The following PRKCA variants were observed in gnomAD, a reference collection of about 807,000 sequenced individuals.
PRKCA encodes protein kinase C alpha.
In PRKCA, 27 loss-of-function variants were observed where a neutral mutation model predicts 87.0. The ratio of observed to expected loss-of-function variants is 0.31; its 90% CI spans 0.23 to 0.43. The LOEUF is 0.43. PRKCA is among the 20% of genes least tolerant of loss of function. The probability of loss-of-function intolerance (pLI) is 1.00; values close to 1 mark genes in which losing one functional copy is unlikely to be tolerated. For synonymous variants in PRKCA, 329 were observed against 311.1 expected, an observed-to-expected ratio of 1.06 and a Z score of -0.61; for missense variants, 518 against 852.3, an observed-to-expected ratio of 0.61 and a Z score of 4.88.
chr17:66,540,414 G>A lies in PRKCA; in HGVS notation c.288+44131G>A, dbSNP rs563230495. On this transcript the variant is annotated intron_variant, in intron 3 of 16. Transcript: ENST00000413366. ...GACGCTGGGGGGACGGCGTGTGCTG[G>A]TTTTGCTGCTTTGGGGGTGAGGAGA... Among the ~76,000 whole-genome samples the A allele has an allele frequency of 6.6e-5, 10 of 152,256 alleles. No individual in the cohort carries two copies. The South Asian group carries it at 2.1e-3, about 32-fold the overall frequency.
chr17:66,512,986 C>A (rs1042655795), intron 3 of PRKCA, among the ~76,000 whole-genome samples: 1 of 152,236 alleles, frequency 6.6e-6, no homozygotes, highest in Non-Finnish European at 1.5e-5. Context: ...AGCCGCCGCA[C>A]CTGGTCCCCC....
intron 13 of PRKCA, among the ~76,000 whole-genome samples, chr17:66,754,040 C>G (rs1974492535): frequency 6.6e-6 from 1 of 151,980 alleles, no homozygotes; most frequent in Non-Finnish European, 1.5e-5. Context: ...ATTTGTAATA[C>G]TCCTATTTAG....
At chr17:66,430,520 G>GTC (rs143196161) in intron 2 of PRKCA, among the ~76,000 whole-genome samples, 12 of 151,786 alleles carry the variant, frequency 7.9e-5, no homozygotes, top group Admixed American at 2.0e-4. Flanking sequence ...TTAAGGGGTG[G>GTC]TCTCTCTCTC....
intron 3 of PRKCA, among the ~76,000 whole-genome samples, chr17:66,518,727 A>G (rs991054277): frequency 1.3e-5 from 2 of 152,168 alleles, no homozygotes; most frequent in Non-Finnish European, 2.9e-5. Flanking sequence ...TTTTAACCCA[A>G]AATCTAATGC....
intron 2 of PRKCA, among the ~76,000 whole-genome samples, chr17:66,454,149 A>G (rs1247504351): frequency 6.6e-6 from 1 of 152,256 alleles, no homozygotes; most frequent in Non-Finnish European, 1.5e-5. Context: ...CTTCAATTAC[A>G]GTCTGCTGGA....
At chr17:66,638,664 A>C (rs1241931940) in intron 3 of PRKCA, among the ~76,000 whole-genome samples, 2 of 152,042 alleles carry the variant, frequency 1.3e-5, no homozygotes, top group Non-Finnish European at 2.9e-5. Context: ...CTGGCTAACA[A>C]AGTGAAACCC....
intron 3 of PRKCA, among the ~76,000 whole-genome samples, chr17:66,628,357 G>A (rs1970915766): frequency 6.6e-6 from 1 of 151,986 alleles, no homozygotes; most frequent in Non-Finnish European, 1.5e-5. Flanking sequence ...ATTGGGGGTT[G>A]ATTAAATCCA....
At chr17:66,466,330 A>G (rs1915087339) in intron 2 of PRKCA, among the ~76,000 whole-genome samples, 1 of 152,198 alleles carries the variant, frequency 6.6e-6, no homozygotes, top group Non-Finnish European at 1.5e-5. Flanking sequence ...GCTTGGTCCC[A>G]GGTGTCCCAG....
At chr17:66,594,695 G>A (rs892182478) in intron 3 of PRKCA, among the ~76,000 whole-genome samples, 5 of 152,048 alleles carry the variant, frequency 3.3e-5, no homozygotes, top group Admixed American at 6.6e-5. Context: ...CAGTTCCTGG[G>A]GAAAATAAAT....
At chr17:66,664,158 G>A (rs111997715) in intron 5 of PRKCA, among the ~76,000 whole-genome samples, 2,344 of 152,240 alleles carry the variant, frequency 0.015, 27 homozygotes, top group Non-Finnish European at 0.023. Flanking sequence ...GTGAGCCACC[G>A]CGCCCAACCG....
intron 13 of PRKCA, among the ~76,000 whole-genome samples, chr17:66,769,162 C>G (rs964130168): frequency 2.0e-5 from 3 of 151,954 alleles, no homozygotes; most frequent in African/African-American, 7.3e-5. Context: ...TCCCAACACA[C>G]CTATGCAACA....
chr17:66,491,502 C>A (rs1312177962), intron 2 of PRKCA, among the ~76,000 whole-genome samples: 8 of 152,198 alleles, frequency 5.3e-5, no homozygotes, highest in Non-Finnish European at 8.8e-5. Context: ...CTACCAAGGT[C>A]AGGCAGATGT....
At position 66,767,359 on chromosome 17, in the gene PRKCA, G is replaced by A. The variant is rs557412451; in HGVS notation, c.1525-6628G>A. Among the ~76,000 whole-genome samples the A allele has an allele frequency of 2.6e-5, 4 of 152,202 alleles. No individual in the cohort carries two copies. In the South Asian group the frequency reaches 6.2e-4, roughly 24 times the overall value. ...GTTTCCAAGAACTTACTGCTGGTAC[G>A]GAGTGAAGACGGACTGTAATAACAA... On this transcript the variant is annotated intron_variant, in intron 13 of 16. Transcript: ENST00000413366.
At chr17:66,755,141 TG>T (rs777013372) in intron 13 of PRKCA, among the ~76,000 whole-genome samples, 2 of 152,288 alleles carry the variant, frequency 1.3e-5, no homozygotes, top group South Asian at 2.1e-4. Flanking sequence ...AGAGCTTCCT[TG>T]GAAGCATTCC....
chr17:66,573,983 T>G (rs1281386968), intron 3 of PRKCA, among the ~76,000 whole-genome samples: 1 of 152,166 alleles, frequency 6.6e-6, no homozygotes, highest in East Asian at 1.9e-4. Flanking sequence ...ATTTTAAAAT[T>G]TTTTATATGG....
chr17:66,328,810 C>G (rs115670248), intron 2 of PRKCA, among the ~76,000 whole-genome samples: 2 of 152,046 alleles, frequency 1.3e-5, no homozygotes, highest in African/African-American at 4.8e-5. Context: ...AACAAACAAA[C>G]GAAAACTGAA....
chr17:66,381,194 G>A (rs1005470015), intron 2 of PRKCA, among the ~76,000 whole-genome samples: 7 of 151,984 alleles, frequency 4.6e-5, no homozygotes, highest in African/African-American at 1.7e-4. Context: ...CCCCTGCCTC[G>A]GCCTCCCAAA....
intron 2 of PRKCA, among the ~76,000 whole-genome samples, chr17:66,391,645 G>GA (rs1910363814): frequency 6.6e-6 from 1 of 152,134 alleles, no homozygotes; most frequent in African/African-American, 2.4e-5. Context: ...TACTTTATTG[G>GA]ACAAGCACTG....
chr17:66,690,356 G>A (rs1219875790), intron 8 of PRKCA, among the ~76,000 whole-genome samples: 1 of 152,192 alleles, frequency 6.6e-6, no homozygotes, highest in Non-Finnish European at 1.5e-5. Context: ...ACTGGGGTGA[G>A]CTGGTAAGCT....
Sources: allele counts gnomAD v4.1 joint callset (sites outside exome capture counted in the v4.1 genomes callset), GRCh38; gene constraint gnomAD v4.1.1; transcripts MANE v1.5; gene names NCBI Gene and HGNC (gene_info 2026-07-23, HGNC 2026-07-21).